Variants in DLG2 observed in about 807,000 individuals in gnomAD.
DLG2 encodes the protein disks large homolog 2.
DLG2 carries 45 observed loss-of-function variants against 132.5 expected under a neutral mutation model. The ratio of observed to expected loss-of-function variants is 0.34; its 90% CI spans 0.27 to 0.44. The LOEUF is 0.44. DLG2 is among the 20% of genes least tolerant of loss of function. DLG2 has a pLI of 1.00. For missense variants in DLG2, 1,045 were observed against 1,196.9 expected, an observed-to-expected ratio of 0.87 and a Z score of 1.87; for synonymous variants, 424 against 419.6, an observed-to-expected ratio of 1.01 and a Z score of -0.13.
At chr11:85,129,021 A>G (rs1242818729) in intron 5 of DLG2, among the ~76,000 whole-genome samples, 5 of 152,214 alleles carry the variant, frequency 3.3e-5, no homozygotes, top group African/African-American at 1.2e-4. Context: ...TAAACAACTT[A>G]TCCACATCTT....
chr11:83,794,507 G>C (rs1286722680), intron 17 of DLG2, among the ~76,000 whole-genome samples: 1 of 144,462 alleles, frequency 6.9e-6, no homozygotes, highest in Non-Finnish European at 1.5e-5. Context: ...GATTCTGAGA[G>C]TTCTATTTAG....
chr11:84,582,541 G>C (rs977254755), intron 6 of DLG2, among the ~76,000 whole-genome samples: 2 of 149,154 alleles, frequency 1.3e-5, no homozygotes, highest in Non-Finnish European at 3.0e-5. Context: ...AGTTAAAAGA[G>C]TCAATGTTTT....
intron 21 of DLG2, among the ~76,000 whole-genome samples, chr11:83,507,745 A>C (rs903923703): frequency 7.6e-6 from 1 of 132,064 alleles, no homozygotes; most frequent in Non-Finnish European, 1.6e-5. Flanking sequence ...TTATATTTAC[A>C]TATATATTTT....
At chr11:85,482,022 C>T (rs528856172) in intron 3 of DLG2, among the ~76,000 whole-genome samples, 31 of 152,044 alleles carry the variant, frequency 2.0e-4, no homozygotes, top group Non-Finnish European at 4.3e-4. Context: ...CCCCAAGCTC[C>T]AGATCAGACC....
At chr11:84,553,640 C>G (rs77542620) in intron 6 of DLG2, among the ~76,000 whole-genome samples, 1 of 152,014 alleles carries the variant, frequency 6.6e-6, no homozygotes, top group East Asian at 1.9e-4. Context: ...CTAGAACTCA[C>G]GGAGGAGGAA....
intron 4 of DLG2, among the ~76,000 whole-genome samples, chr11:85,267,647 A>C (rs1239922152): frequency 6.6e-6 from 1 of 151,360 alleles, no homozygotes; most frequent in Non-Finnish European, 1.5e-5. Flanking sequence ...CAGTTATTTA[A>C]AAAAAAAAGA....
At chr11:84,353,553 G>A in intron 7 of DLG2, among the ~76,000 whole-genome samples, 1 of 152,072 alleles carries the variant, frequency 6.6e-6, no homozygotes, top group East Asian at 1.9e-4. Flanking sequence ...TCAAGTTACA[G>A]TTATGGCTTT....
At chr11:83,542,245 G>A (rs2096093011) in intron 19 of DLG2, among the ~76,000 whole-genome samples, 1 of 151,982 alleles carries the variant, frequency 6.6e-6, no homozygotes, top group Admixed American at 6.6e-5. Context: ...AGAGAAACAT[G>A]GCTATATTTC....
At position 84,931,867 on chromosome 11, in the gene DLG2, C is replaced by G. The variant is rs146621066; in HGVS notation, c.357+179794G>C. Among the ~76,000 whole-genome samples, 13 of 152,290 alleles carry G rather than the reference C, an allele frequency of 8.5e-5. 1 individual carries two copies. The highest frequency in any genetic ancestry group is 8.5e-4 in the Admixed American group (13 of 15,294). ...TTTTGACTTGCATTTCTCTAATAAT[C>G]AGTCATGTTGAGCTTCTTTTCATGA... On this transcript the variant is annotated intron_variant, in intron 6 of 27. Transcript: ENST00000376104.
chr11:85,012,813 T>C (rs1366101575), intron 6 of DLG2, among the ~76,000 whole-genome samples: 1 of 152,154 alleles, frequency 6.6e-6, no homozygotes, highest in Non-Finnish European at 1.5e-5. Context: ...AGAAAATGAA[T>C]GGATTTTGGA....
At chr11:84,613,318 C>A (rs112109982) in intron 6 of DLG2, among the ~76,000 whole-genome samples, 3 of 152,044 alleles carry the variant, frequency 2.0e-5, no homozygotes, top group Non-Finnish European at 4.4e-5. Flanking sequence ...TCTCTGTGAT[C>A]TAAGTCATCA....
intron 8 of DLG2, among the ~76,000 whole-genome samples, chr11:84,195,110 C>A (rs558021420): frequency 6.6e-6 from 1 of 152,142 alleles, no homozygotes; most frequent in African/African-American, 2.4e-5. Flanking sequence ...CCAGAGCAAG[C>A]GAGGGCTGCT....
intron 8 of DLG2, among the ~76,000 whole-genome samples, chr11:84,168,791 T>G (rs940394136): frequency 1.7e-4 from 26 of 149,720 alleles, no homozygotes; most frequent in African/African-American, 6.2e-4. Flanking sequence ...CACACCACCA[T>G]CAAATGCCAC....
intron 25 of DLG2, among the ~76,000 whole-genome samples, chr11:83,467,718 C>A (rs1436693891): frequency 6.9e-6 from 1 of 145,214 alleles, no homozygotes; most frequent in Non-Finnish European, 1.5e-5. Context: ...CCATGGCATT[C>A]CAGCCTGGGC....
intron 5 of DLG2, among the ~76,000 whole-genome samples, chr11:85,123,779 T>G (rs1034557222): frequency 1.3e-5 from 2 of 152,198 alleles, no homozygotes; most frequent in Admixed American, 1.3e-4. Flanking sequence ...ACAAAGAAAG[T>G]GATATGTGTG....
intron 16 of DLG2, among the ~76,000 whole-genome samples, chr11:83,836,624 C>T (rs566921124): frequency 6.6e-6 from 1 of 152,260 alleles, no homozygotes; most frequent in South Asian, 2.1e-4. Context: ...TAATTACTTG[C>T]AAAATCCCTT....
At chr11:85,316,410 T>A (rs1400487791) in intron 3 of DLG2, among the ~76,000 whole-genome samples, 1 of 152,022 alleles carries the variant, frequency 6.6e-6, no homozygotes. Flanking sequence ...TTTTTAAATA[T>A]CTGGTACTAT....
intron 7 of DLG2, among the ~76,000 whole-genome samples, chr11:84,308,979 C>T (rs924084408): frequency 6.6e-6 from 1 of 152,226 alleles, no homozygotes. Context: ...CAGAAAGCGG[C>T]TCCCACAGTG....
At chr11:83,872,917 A>C (rs997396524) in intron 16 of DLG2, among the ~76,000 whole-genome samples, 1 of 152,182 alleles carries the variant, frequency 6.6e-6, no homozygotes. Flanking sequence ...CCTCAGCTAC[A>C]TAGTATGCAC....
Sources: gnomAD v4.1 joint callset for allele counts (sites outside exome capture counted in the v4.1 genomes callset) on GRCh38, gnomAD v4.1.1 for gene constraint, MANE v1.5 for transcripts, NCBI Gene and HGNC (gene_info 2026-07-23, HGNC 2026-07-21) for gene names.